Variants in MYO9A observed in about 807,000 individuals in gnomAD.
The protein encoded by MYO9A is myosin IXA.
A neutral mutation model predicts 293.3 loss-of-function variants in MYO9A; 103 were observed. That is an observed-to-expected ratio of 0.35 (90% CI 0.30 to 0.41). The LOEUF (loss-of-function observed/expected upper bound fraction) is 0.41. MYO9A is among the 10% of genes least tolerant of loss of function. The pLI is 1.00. For synonymous variants in MYO9A, 1,001 were observed against 1,035.7 expected (o/e 0.97, Z 0.64); for missense variants, 2,685 against 3,033.0 (o/e 0.89, Z 2.69).
intron 9 of MYO9A, among the ~76,000 whole-genome samples, chr15:71,996,315 A>T (rs959611148): frequency 2.0e-5 from 3 of 152,238 alleles, no homozygotes; most frequent in Non-Finnish European, 4.4e-5. Flanking sequence ...TCAGACAAAG[A>T]TAAAAACTAA....
intron 14 of MYO9A, chr15:71,959,581 T>A (rs1246617208): frequency 5.0e-6 from 1 of 198,564 alleles, no homozygotes; most frequent in East Asian, 1.2e-4. Context: ...AGAAAAAGTA[T>A]CCTGCTTTAT....
At chr15:72,077,750 AAAATAT>A (rs1291830353) in intron 1 of MYO9A, among the ~76,000 whole-genome samples, 86 of 45,842 alleles carry the variant, frequency 1.9e-3, no homozygotes, top group African/African-American at 5.1e-3. Context: ...AAAAAAAAAA[AAAATAT>A]ATATATATAT....
intron 16 of MYO9A, among the ~76,000 whole-genome samples, chr15:71,935,766 G>T (rs930280668): frequency 3.3e-5 from 5 of 152,100 alleles, no homozygotes; most frequent in Middle Eastern, 3.4e-3. Context: ...TCAACAACTA[G>T]TAACTAATAA....
At chr15:71,934,608 T>G (rs2058575019) in intron 17 of MYO9A, among the ~76,000 whole-genome samples, 1 of 151,488 alleles carries the variant, frequency 6.6e-6, no homozygotes, top group Non-Finnish European at 1.5e-5. Context: ...TTCCTTTTTT[T>G]TTTTTTCTCA....
At chr15:71,927,594 A>G (rs1254287544) in intron 18 of MYO9A, among the ~76,000 whole-genome samples, 5 of 152,196 alleles carry the variant, frequency 3.3e-5, no homozygotes, top group Non-Finnish European at 7.3e-5. Flanking sequence ...TTGGTCCTCC[A>G]TAAGGGTGGA....
At chr15:72,107,527 C>T (rs371389779) in intron 1 of MYO9A, among the ~76,000 whole-genome samples, 59 of 152,148 alleles carry the variant, frequency 3.9e-4, no homozygotes, top group African/African-American at 1.3e-3. Flanking sequence ...CCAGCCTGGG[C>T]GACAGAGCAA....
rs1046693392 is a variant in MYO9A, at chr15:71,900,113, C to T, written c.3151-107G>A. The T allele has an allele frequency of 1.3e-4, 141 of 1,125,436 alleles. No individual in the cohort carries two copies. In the East Asian group the frequency reaches 3.3e-3, roughly 26 times the overall value. The allele number at this position is 1,125,436 out of a possible 1,614,324, so 69.7% of individuals were successfully genotyped here. ...TATGTCATAATTACAGGTTAAGTGG[C>T]TATGCAGCTAAATTCTTGGTGATTA... On this transcript the variant is annotated intron_variant, in intron 23 of 41. Coordinates refer to ENST00000356056, the MANE Select transcript of MYO9A (RefSeq NM_006901.4).
intron 1 of MYO9A, among the ~76,000 whole-genome samples, chr15:72,049,788 T>C (rs1353407902): frequency 6.6e-6 from 1 of 152,236 alleles, no homozygotes; most frequent in Non-Finnish European, 1.5e-5. Context: ...TGAGGCAGAA[T>C]AGTTTCATCC....
chr15:72,045,164 T>C (rs1247417662), intron 2 of MYO9A: 2 of 152,252 alleles, frequency 1.3e-5, no homozygotes, highest in African/African-American at 4.8e-5. Context: ...GTGCCCAGAA[T>C]AGCAAGAACA....
intron 13 of MYO9A, among the ~76,000 whole-genome samples, chr15:71,966,626 T>C (rs1011487741): frequency 6.6e-6 from 1 of 152,148 alleles, no homozygotes; most frequent in African/African-American, 2.4e-5. Context: ...ATAAAGTCTG[T>C]GGATGGTTTA....
At position 71,901,344 on chromosome 15, in the gene MYO9A, C is replaced by T; in HGVS notation, c.3001-4G>A. The T allele has an allele frequency of 1.2e-6, 2 of 1,604,734 alleles. No individual in the cohort carries two copies. The highest frequency in any genetic ancestry group is 1.7e-6 in the Non-Finnish European group (2 of 1,177,060). On this transcript the variant is annotated splice_polypyrimidine_tract_variant and splice_region_variant and intron_variant, in intron 22 of 41. Coordinates refer to ENST00000356056, the MANE Select transcript of MYO9A (RefSeq NM_006901.4). ...GTTCCTGCTCCTTTAGAAAGACCTA[C>T]CAAAAGGAAGAAAGATGAGGAATGC...
At position 71,859,785 on chromosome 15, in the gene MYO9A, C is replaced by T; in HGVS notation, c.6103G>A (p.Ala2035Thr). 6.2e-7 allele frequency: 1 copy of T among 1,613,202 alleles called. No individual in the cohort carries two copies. Among genetic ancestry groups the T allele is most frequent in the Non-Finnish European group, 8.5e-7 (1 of 1,179,536 alleles). The change falls in exon 34 of 42, where the codon GCT (alanine) becomes ACT (threonine). Residue 2035 changes from alanine (A) to threonine (T), a missense_variant. Ala to Thr is a moderately conservative substitution (Grantham distance 58). Around this residue, in one of 10 missense-constraint regions of MYO9A, gnomAD observed 238 missense variants for 269.1 expected, o/e 0.88. Transcript: ENST00000356056. Reference sequence around the variant, plus strand: ...TTCAGACAGCACTTCTTATGGCAAGCATACTTGCATACTGAAAAATAGGTG... The same window carrying T: ...TTCAGACAGCACTTCTTATGGCAAGTATACTTGCATACTGAAAAATAGGTG... ...RASVCKLCKY[A>T]CHKKCCLKTT...
chr15:72,015,308 T>A (rs1271507754), intron 6 of MYO9A, among the ~76,000 whole-genome samples: 1 of 152,164 alleles, frequency 6.6e-6, no homozygotes, highest in Non-Finnish European at 1.5e-5. Context: ...GCAGTAGGAA[T>A]CTTTATACTG....
chr15:71,893,002 G>C, intron 26 of MYO9A: 1 of 1,287,380 alleles, frequency 7.8e-7, no homozygotes, highest in South Asian at 1.2e-5. Flanking sequence ...ACCCAGGCTG[G>C]GTGCAGGCCC....
At chr15:72,072,934 T>G (rs1162841341) in intron 1 of MYO9A, among the ~76,000 whole-genome samples, 1 of 152,212 alleles carries the variant, frequency 6.6e-6, no homozygotes, top group Non-Finnish European at 1.5e-5. Flanking sequence ...CTCATATGTT[T>G]ATTATAGCAC....
intron 1 of MYO9A, among the ~76,000 whole-genome samples, chr15:72,087,629 G>C (rs2079782226): frequency 6.6e-6 from 1 of 152,124 alleles, no homozygotes; most frequent in African/African-American, 2.4e-5. Context: ...CCCAACATCT[G>C]TGTCTTCCCT....
intron 16 of MYO9A, among the ~76,000 whole-genome samples, chr15:71,937,322 GGCAACTGATGT>G (rs933399794): frequency 6.0e-4 from 91 of 152,158 alleles, no homozygotes; most frequent in African/African-American, 2.1e-3. Flanking sequence ...GTAAGGAAGA[GGCAACTGATGT>G]GCAAATTTCA....
Position 72,049,337 on chromosome 15 carries a change from A to G in MYO9A, c.-71-2703T>C, listed in dbSNP as rs370522361. 7.9e-5 allele frequency among the ~76,000 whole-genome samples: 12 copies of G among 152,328 alleles called. No homozygotes were observed. In the East Asian group the frequency reaches 1.3e-3, roughly 17 times the overall value. On this transcript the variant is annotated intron_variant, in intron 1 of 41. Transcript: ENST00000356056. ...GTCTAGCTGGAGATTCTGCTCTGCA[A>G]TAACAGTGAGGATATACTCTGAGTT...
chr15:71,865,771 G>A (rs1341482795), intron 32 of MYO9A, among the ~76,000 whole-genome samples: 1 of 152,100 alleles, frequency 6.6e-6, no homozygotes, highest in Admixed American at 6.6e-5. Flanking sequence ...CCACTAAATT[G>A]CACACTTTAC....
Sources: gnomAD v4.1 joint callset for allele counts (sites outside exome capture counted in the v4.1 genomes callset) on GRCh38, gnomAD v4.1.1 for gene constraint, gnomAD v4.1.1 regional missense constraint, MANE v1.5 for transcripts, NCBI Gene and HGNC (gene_info 2026-07-23, HGNC 2026-07-21) for gene names.